Variants in CA1 observed in about 807,000 individuals in gnomAD.
CA1 encodes the protein carbonic anhydrase 1.
CA1 carries 27 observed loss-of-function variants against 28.8 expected under a neutral mutation model. That is an observed-to-expected ratio of 0.94 (90% CI 0.69 to 1.29). The LOEUF is 1.29. Among genes scored for constraint, CA1 ranks in the 50% most tolerant of loss-of-function variants. The pLI is 0.00. For synonymous variants in CA1, 121 were observed against 108.8 expected (o/e 1.11, Z -0.70); for missense variants, 335 against 310.5 (o/e 1.08, Z -0.59).
Position 85,333,569 on chromosome 8 carries a change from C to G in CA1, c.406G>C (p.Ala136Pro), listed in dbSNP as rs775703061. The part of the protein sequence containing the change: ...SAKYSSLAEA[A>P]SKADGLAVIG... ...ACTGCCAAACCATCAGCCTTTGAGGCAGCTTCAGCAAGGCTGGAGTACTTT... is the reference window on the plus strand; with the variant it reads ...ACTGCCAAACCATCAGCCTTTGAGGGAGCTTCAGCAAGGCTGGAGTACTTT... The change falls in exon 5 of 8, where the codon GCC (alanine) becomes CCC (proline). Residue 136 changes from alanine to proline, a missense_variant. Coordinates refer to ENST00000523022, the MANE Select transcript of CA1 (RefSeq NM_001128831.4). The G allele has an allele frequency of 2.2e-5, 36 of 1,612,834 alleles. 1 individual carries two copies. Among genetic ancestry groups the G allele is most frequent in the Non-Finnish European group, 2.6e-5 (31 of 1,179,230 alleles).
chr8:85,366,165 C>G (rs201897564), intron 1 of CA1, among the ~76,000 whole-genome samples: 1 of 128,282 alleles, frequency 7.8e-6, no homozygotes, highest in Non-Finnish European at 1.6e-5. Flanking sequence ...CTTTCTTCCC[C>G]TTTTTTTTTT....
chr8:85,350,565 A>G (rs1809370951), intron 1 of CA1, among the ~76,000 whole-genome samples: 1 of 152,176 alleles, frequency 6.6e-6, no homozygotes, highest in Non-Finnish European at 1.5e-5. Context: ...GTAAAGTTCC[A>G]CATAGCCTTT....
intron 2 of CA1, 171 bp downstream of exon 2, chr8:85,341,428 A>G (rs1233587497): frequency 5.4e-6 from 3 of 555,846 alleles, no homozygotes; most frequent in African/African-American, 1.9e-5. Context: ...GTAGTCAGCC[A>G]TGCCCCAAAA....
intron 5 of CA1, among the ~76,000 whole-genome samples, 154 bp from the exon 6 acceptor site, chr8:85,332,706 T>A (rs1028179099): frequency 2.6e-5 from 4 of 152,186 alleles, no homozygotes; most frequent in Non-Finnish European, 5.9e-5. Context: ...CTGTATGTCT[T>A]TGAGGGCCTT....
chr8:85,351,885 A>G (rs1157228365), intron 1 of CA1: 2 of 152,220 alleles, frequency 1.3e-5, no homozygotes. Flanking sequence ...GATTTTTAGT[A>G]CTGTTATTAA....
intron 1 of CA1, among the ~76,000 whole-genome samples, chr8:85,345,523 T>G (rs1158599880): frequency 6.6e-6 from 1 of 152,200 alleles, no homozygotes; most frequent in Non-Finnish European, 1.5e-5. Context: ...ACCACCATGT[T>G]CTCTTCATCT....
chr8:85,370,875 TG>T (rs1810197643), intron 1 of CA1, among the ~76,000 whole-genome samples: 2 of 152,226 alleles, frequency 1.3e-5, no homozygotes, highest in Non-Finnish European at 2.9e-5. Flanking sequence ...GCCATTATTG[TG>T]TTTAAATGGA....
chr8:85,365,834 C>T (rs537070831), intron 1 of CA1, among the ~76,000 whole-genome samples: 3 of 152,222 alleles, frequency 2.0e-5, no homozygotes, highest in African/African-American at 7.2e-5. Context: ...GAGAGTCAAT[C>T]AGTAGAATAA....
In CA1 at chr8:85,338,325, T is replaced by C; in HGVS notation, c.162A>G (p.Pro54=). 1 of 1,614,040 alleles carries C rather than the reference T, an allele frequency of 6.2e-7. No individual in the cohort carries two copies. Among genetic ancestry groups the C allele is most frequent in the South Asian group, 1.1e-5 (1 of 91,078 alleles). ...CATTGATAATTTCTTTGGCTGTGGC[T>C]GGGTTGTAGGAGACACTAATAGGTT... The part of the protein sequence containing the change: ...SLKPISVSYN[P]ATAKEIINVG... The change falls in exon 3 of 8, where the codon CCA becomes CCG. Residue 54 remains proline, a synonymous_variant. Transcript: ENST00000523022.
rs113834197 is a variant in CA1, at chr8:85,355,722, A to G, written c.-24-14063T>C. Among the ~76,000 whole-genome samples, 22 of 151,970 alleles carry G rather than the reference A, an allele frequency of 1.4e-4. 1 individual carries two copies. Among genetic ancestry groups the G allele is most frequent in the Middle Eastern group, 6.8e-3 (2 of 294 alleles). ...GGCCCAGATTTAAATTTTTACTTTT[A>G]AAAGTATATATTTTTTATTTTAAAA... On this transcript the variant is annotated intron_variant, in intron 1 of 7. Coordinates refer to ENST00000523022, the MANE Select transcript of CA1 (RefSeq NM_001128831.4).
intron 1 of CA1, among the ~76,000 whole-genome samples, chr8:85,344,230 TATATA>T (rs1809060489): frequency 1.8e-5 from 2 of 111,610 alleles, no homozygotes; most frequent in Non-Finnish European, 3.4e-5. Flanking sequence ...TTATATACAG[TATATA>T]ATATATAATT....
chr8:85,359,583 C>T (rs969060852), intron 1 of CA1, among the ~76,000 whole-genome samples: 9 of 152,184 alleles, frequency 5.9e-5, no homozygotes, highest in Admixed American at 4.6e-4. Context: ...AGACACTGAA[C>T]CTCGAATGAA....
intron 7 of CA1, 64 bp downstream of exon 7, chr8:85,329,625 A>G (rs1585910080): frequency 1.5e-6 from 2 of 1,309,962 alleles, no homozygotes; most frequent in East Asian, 4.7e-5. Flanking sequence ...TCTCTCACTG[A>G]TACTATCAAT....
At chr8:85,354,128 T>TG (rs1809514944) in intron 1 of CA1, among the ~76,000 whole-genome samples, 1 of 147,896 alleles carries the variant, frequency 6.8e-6, no homozygotes, top group Non-Finnish European at 1.5e-5. Context: ...CACACCCAGC[T>TG]AATTTTTTTT....
intron 1 of CA1, among the ~76,000 whole-genome samples, chr8:85,373,110 T>C (rs1810290485): frequency 6.6e-6 from 1 of 152,302 alleles, no homozygotes; most frequent in East Asian, 1.9e-4. Flanking sequence ...ATCCAGGTAA[T>C]TGTGAAGGAG....
At chr8:85,333,504 G>A in intron 5 of CA1, 21 bp downstream of exon 5, 1 of 1,431,300 alleles carries the variant, frequency 7.0e-7, no homozygotes, top group Non-Finnish European at 9.9e-7. Flanking sequence ...AAGCAGAGCT[G>A]TGTAATTATC....
In CA1 at chr8:85,341,619, C is replaced by T; in HGVS notation, c.17G>A (p.Trp6Ter). The T allele has an allele frequency of 6.3e-7, 1 of 1,598,134 alleles. No homozygotes were observed. Among genetic ancestry groups the T allele is most frequent in the East Asian group, 2.2e-5 (1 of 44,692 alleles). The change falls in exon 2 of 8, where the codon TGG becomes TAG. Residue 6 changes from tryptophan (W) to a stop codon, truncating the protein, a stop_gained. Coordinates refer to ENST00000523022, the MANE Select transcript of CA1 (RefSeq NM_001128831.4). LOFTEE classifies it high-confidence loss of function. MASPD[W>*]GYDDKNGPEQ... ...CTTACCATTTTTGTCATCATATCCC[C>T]AGTCTGGACTTGCCATTATCTTCTA... is the stretch of plus-strand genomic sequence containing the variant.
chr8:85,355,563 T>TC lies in CA1; in HGVS notation c.-24-13905_-24-13904insG, dbSNP rs1311353204. The stretch of plus-strand genomic sequence containing the variant: ...ATGTCTAGTTCCTTTTTTTTTTTTT[T>TC]TTTTTTTTTTTACTTTCAGTAGAGA... On this transcript the variant is annotated intron_variant, in intron 1 of 7. Transcript: ENST00000523022. 2.0e-5 allele frequency among the ~76,000 whole-genome samples: 3 copies of TC among 147,366 alleles called. No individual in the cohort carries two copies. The East Asian group carries it at 5.9e-4, about 29-fold the overall frequency.
chr8:85,374,966 A>G (rs997411289), intron 1 of CA1, among the ~76,000 whole-genome samples: 2 of 152,188 alleles, frequency 1.3e-5, no homozygotes, highest in Non-Finnish European at 2.9e-5. Context: ...CACCTGATAC[A>G]GGAAATATGA....
Sources: gnomAD v4.1 joint callset for allele counts (sites outside exome capture counted in the v4.1 genomes callset) on GRCh38, gnomAD v4.1.1 for gene constraint, MANE v1.5 for transcripts, NCBI Gene and HGNC (gene_info 2026-07-23, HGNC 2026-07-21) for gene names.